RRAGC: variants seen among roughly 807,000 people sequenced by gnomAD.
RRAGC encodes Ras related GTP binding C, also known as ras-related GTP-binding protein C.
In RRAGC, 8 loss-of-function variants were observed where a neutral mutation model predicts 37.1. That is an observed-to-expected ratio of 0.22 (90% CI 0.13 to 0.39). The LOEUF is 0.39. Among genes scored for constraint, RRAGC ranks in the 10% least tolerant of loss-of-function variants. The probability of loss-of-function intolerance (pLI) is 1.00; values close to 1 mark genes in which losing one functional copy is unlikely to be tolerated. For missense variants in RRAGC, 342 were observed against 497.6 expected, an observed-to-expected ratio of 0.69 and a Z score of 2.98; for synonymous variants, 190 against 181.1, an observed-to-expected ratio of 1.05 and a Z score of -0.39.
intron 5 of RRAGC, among the ~76,000 whole-genome samples, chr1:38,849,692 AAAAT>A (rs969460295): frequency 6.6e-6 from 1 of 152,330 alleles, no homozygotes; most frequent in South Asian, 2.1e-4. Flanking sequence ...CTGTCTCAAA[AAAAT>A]AAATAAATAA....
chr1:38,859,751 C>T lies in RRAGC; in HGVS notation c.-105G>A. The T allele has an allele frequency of 3.0e-6, 3 of 1,000,326 alleles. No homozygotes were observed. The highest frequency in any genetic ancestry group is 3.8e-6 in the Non-Finnish European group (3 of 787,650). 62.0% of individuals were successfully genotyped at this position (1,000,326 alleles called of 1,614,324 possible). On this transcript the variant is annotated 5_prime_UTR_variant, in exon 1 of 7. Coordinates refer to ENST00000373001, the MANE Select transcript of RRAGC (RefSeq NM_022157.4). ...GCCGCCGCCGCCACCACCGCCACCGCCCCCGGCAGCCGCCACAGTCCGGCC... is the reference window on the plus strand; with the variant it reads ...GCCGCCGCCGCCACCACCGCCACCGTCCCCGGCAGCCGCCACAGTCCGGCC...
rs1000593392 is a variant in RRAGC, at chr1:38,859,593, C to A, written c.54G>T (p.Ala18=). 2 of 1,568,186 alleles carry A rather than the reference C, an allele frequency of 1.3e-6. No individual in the cohort carries two copies. Among genetic ancestry groups the A allele is most frequent in the African/African-American group, 2.7e-5 (2 of 74,266 alleles). Residue 18 remains alanine, a synonymous_variant, in exon 1 of 7, where the codon GCG becomes GCT. Transcript: ENST00000373001. The stretch of plus-strand genomic sequence containing the variant: ...CGAAGTCCTTTGGAAACGAATCGGC[C>A]GCGCCGTAACTGCCGGCGAGGGGCG... ...EETPLAGSYG[A]ADSFPKDFGY...
chr1:38,857,863 G>A (rs555696903), intron 1 of RRAGC, among the ~76,000 whole-genome samples: 20 of 152,276 alleles, frequency 1.3e-4, no homozygotes, highest in African/African-American at 4.8e-4. Context: ...GGGAAGCTGA[G>A]GCAGGAGAAT....
intron 4 of RRAGC, among the ~76,000 whole-genome samples, chr1:38,852,006 G>T (rs1435964856): frequency 6.6e-6 from 1 of 152,138 alleles, no homozygotes; most frequent in East Asian, 1.9e-4. Flanking sequence ...TTACTCAAAT[G>T]AATTGTTTTC....
intron 5 of RRAGC, among the ~76,000 whole-genome samples, chr1:38,851,117 T>C (rs933077365): frequency 1.3e-5 from 2 of 152,118 alleles, no homozygotes; most frequent in South Asian, 2.1e-4. Context: ...ATTTTAGAGA[T>C]TTATTTTGGA....
At chr1:38,842,041 G>A (rs1032427610) in intron 6 of RRAGC, among the ~76,000 whole-genome samples, 3 of 152,120 alleles carry the variant, frequency 2.0e-5, no homozygotes, top group Admixed American at 6.5e-5. Flanking sequence ...AGGAGGCTGA[G>A]GCAGGTGGAT....
intron 5 of RRAGC, chr1:38,847,381 G>GGGA (rs1308481727): frequency 6.6e-6 from 1 of 152,036 alleles, no homozygotes; most frequent in Non-Finnish European, 1.5e-5. Flanking sequence ...AGGCTGAGGT[G>GGGA]GGAGGAATGC....
At chr1:38,853,280 T>C (rs1642122518) in intron 3 of RRAGC, among the ~76,000 whole-genome samples, 1 of 152,204 alleles carries the variant, frequency 6.6e-6, no homozygotes, top group Non-Finnish European at 1.5e-5. Flanking sequence ...AAGTAACACA[T>C]GTAGATTCAA....
chr1:38,851,029 T>G (rs1642095625), intron 5 of RRAGC, among the ~76,000 whole-genome samples: 3 of 152,336 alleles, frequency 2.0e-5, no homozygotes, highest in Non-Finnish European at 2.9e-5. Context: ...TCTGGCCTAT[T>G]CTACAAAATC....
At chr1:38,841,631 T>C (rs1641963912) in intron 6 of RRAGC, among the ~76,000 whole-genome samples, 1 of 147,812 alleles carries the variant, frequency 6.8e-6, no homozygotes, top group Non-Finnish European at 1.5e-5. Context: ...TCCAAAGCAC[T>C]GAGATTACAG....
At chr1:38,852,931 C>T (rs1383127128) in intron 3 of RRAGC, among the ~76,000 whole-genome samples, 1 of 152,142 alleles carries the variant, frequency 6.6e-6, no homozygotes, top group Admixed American at 6.6e-5. Context: ...CCTAAAATAG[C>T]ACTCGTGTAC....
intron 1 of RRAGC, 93 bp from the exon 2 acceptor site, chr1:38,857,175 C>T: frequency 9.6e-7 from 1 of 1,045,302 alleles, no homozygotes; most frequent in Non-Finnish European, 1.4e-6. Context: ...CATTTGATCC[C>T]ACAAAAAAAA....
intron 5 of RRAGC, chr1:38,848,221 A>G (rs1375301841): frequency 1.3e-5 from 2 of 152,174 alleles, no homozygotes; most frequent in Non-Finnish European, 2.9e-5. Context: ...TTAAGAGTAT[A>G]GAAGAAAACT....
At chr1:38,841,652 C>A (rs1641964085) in intron 6 of RRAGC, among the ~76,000 whole-genome samples, 1 of 149,936 alleles carries the variant, frequency 6.7e-6, no homozygotes, top group Admixed American at 6.7e-5. Context: ...GTGTGAGCCA[C>A]CACACCCACT....
intron 6 of RRAGC, among the ~76,000 whole-genome samples, chr1:38,840,135 G>A (rs1249729539): frequency 7.4e-6 from 1 of 134,668 alleles, no homozygotes; most frequent in East Asian, 2.2e-4. Flanking sequence ...GTGACAGAGC[G>A]AGACTCCAAC....
At chr1:38,855,367 C>A (rs1005261846) in intron 3 of RRAGC, among the ~76,000 whole-genome samples, 2 of 152,170 alleles carry the variant, frequency 1.3e-5, no homozygotes, top group Non-Finnish European at 2.9e-5. Flanking sequence ...ATTCACTTCA[C>A]TGATGCAAGG....
At position 38,843,805 on chromosome 1, in the gene RRAGC, T is replaced by C. The variant is rs189781159; in HGVS notation, c.1048+2134A>G. The stretch of plus-strand genomic sequence containing the variant: ...TGTAGATCCTTGAGTAGTTAAATAA[T>C]ATAAAATAAATTTTCTGAAAACTAA... On this transcript the variant is annotated intron_variant, in intron 6 of 6. Transcript: ENST00000373001. Among the ~76,000 whole-genome samples, 147 of 151,670 alleles carry C rather than the reference T, an allele frequency of 9.7e-4. 2 individuals are homozygous for C. Among genetic ancestry groups the C allele is most frequent in the African/African-American group, 3.4e-3 (139 of 41,334 alleles).
intron 5 of RRAGC, among the ~76,000 whole-genome samples, chr1:38,848,849 A>C (rs1422926739): frequency 1.3e-5 from 2 of 152,004 alleles, no homozygotes; most frequent in Non-Finnish European, 2.9e-5. Flanking sequence ...AAAACAAAAA[A>C]GGCCAGCTGC....
chr1:38,841,904 A>G (rs1440652295), intron 6 of RRAGC, among the ~76,000 whole-genome samples: 1 of 152,208 alleles, frequency 6.6e-6, no homozygotes. Context: ...TGGGAGGCCG[A>G]GGCAGGCAGA....
Sources: allele counts gnomAD v4.1 joint callset (sites outside exome capture counted in the v4.1 genomes callset), GRCh38; gene constraint gnomAD v4.1.1; transcripts MANE v1.5; gene names NCBI Gene and HGNC (gene_info 2026-07-23, HGNC 2026-07-21).